Variants in ZNF804B observed in about 807,000 individuals in gnomAD.
The protein encoded by ZNF804B is zinc finger 804B.
In ZNF804B, 80 loss-of-function variants were observed where a neutral mutation model predicts 101.4. The observed-to-expected ratio is 0.79, with a 90% CI of 0.66 to 0.95. The LOEUF is 0.95. ZNF804B is among the 40% of genes least tolerant of loss of function. The pLI, the probability that ZNF804B is intolerant of heterozygous loss-of-function variation, is 0.00. For missense variants in ZNF804B, 1,673 were observed against 1,561.9 expected (o/e 1.07, Z -1.20); for synonymous variants, 622 against 558.8 (o/e 1.11, Z -1.59).
chr7:88,874,183 C>T (rs1408466032), intron 1 of ZNF804B, among the ~76,000 whole-genome samples: 1 of 152,122 alleles, frequency 6.6e-6, no homozygotes, highest in African/African-American at 2.4e-5. Flanking sequence ...AGAGGTCCTT[C>T]ACATCCCTTG....
At chr7:89,017,111 G>T (rs927338723) in intron 1 of ZNF804B, among the ~76,000 whole-genome samples, 2 of 152,190 alleles carry the variant, frequency 1.3e-5, no homozygotes, top group African/African-American at 4.8e-5. Context: ...GTGAATGGGA[G>T]TTCACTCATG....
Position 89,201,094 on chromosome 7 carries a change from A to G in ZNF804B, c.109-17061A>G, listed in dbSNP as rs575941806. On this transcript the variant is annotated intron_variant, in intron 1 of 3. Coordinates refer to ENST00000333190, the MANE Select transcript of ZNF804B (RefSeq NM_181646.5). ...ATTTTTTAAGATATAGTTGTTTCTT[A>G]TCAATGAAAGTTATTTTTTTCATTT... 3.3e-5 allele frequency among the ~76,000 whole-genome samples: 5 copies of G among 152,132 alleles called. No individual in the cohort carries two copies. The East Asian group carries it at 7.7e-4, about 23-fold the overall frequency.
intron 1 of ZNF804B, among the ~76,000 whole-genome samples, chr7:89,007,065 C>T (rs1314614385): frequency 1.3e-5 from 2 of 152,074 alleles, no homozygotes; most frequent in Non-Finnish European, 2.9e-5. Flanking sequence ...CCTGGTCCCT[C>T]TTTCTGATTT....
chr7:89,017,903 A>G (rs528510916), intron 1 of ZNF804B, among the ~76,000 whole-genome samples: 13 of 152,130 alleles, frequency 8.5e-5, no homozygotes, highest in African/African-American at 3.1e-4. Flanking sequence ...CATTAGTTCT[A>G]AAAGTTTTTG....
intron 2 of ZNF804B, among the ~76,000 whole-genome samples, chr7:89,292,883 A>C (rs948358614): frequency 2.0e-5 from 3 of 151,956 alleles, no homozygotes; most frequent in Non-Finnish European, 4.4e-5. Context: ...AAACCTAAAA[A>C]CTCAGGAACA....
At chr7:88,858,662 C>G (rs1791606721) in intron 1 of ZNF804B, among the ~76,000 whole-genome samples, 1 of 151,978 alleles carries the variant, frequency 6.6e-6, no homozygotes, top group Non-Finnish European at 1.5e-5. Context: ...ATTAAAAAAT[C>G]TCGTTAACAG....
chr7:88,790,147 C>A (rs1239667455), intron 1 of ZNF804B, among the ~76,000 whole-genome samples: 1 of 151,872 alleles, frequency 6.6e-6, no homozygotes, highest in Non-Finnish European at 1.5e-5. Context: ...TATATATGTT[C>A]GCTGTTATAT....
At position 89,218,268 on chromosome 7, in the gene ZNF804B, T is replaced by G. The variant is rs1350924111; in HGVS notation, c.222T>G (p.Ile74Met). Residue 74 changes from isoleucine to methionine, a missense_variant, in exon 2 of 4, where the codon ATT becomes ATG. Transcript: ENST00000333190. Reference sequence around the variant, plus strand: ...AACACCAGGAGTTTGACAATCATATTAATTCTTATGACCATGCTCATAAGC... The same window carrying G: ...AACACCAGGAGTTTGACAATCATATGAATTCTTATGACCATGCTCATAAGC... ...YHKHQEFDNHINSYDHAHKQR... is the reference protein window; with the variant it reads ...YHKHQEFDNHMNSYDHAHKQR... 1 of 1,613,626 alleles carries G rather than the reference T, an allele frequency of 6.2e-7. No individual in the cohort carries two copies. Among genetic ancestry groups the G allele is most frequent in the African/African-American group, 1.3e-5 (1 of 74,930 alleles).
At chr7:89,269,718 A>G (rs1157968355) in intron 2 of ZNF804B, among the ~76,000 whole-genome samples, 1 of 152,120 alleles carries the variant, frequency 6.6e-6, no homozygotes, top group Non-Finnish European at 1.5e-5. Context: ...CATCCTCTCC[A>G]GCACCTGTTG....
At position 88,854,529 on chromosome 7, in the gene ZNF804B, T is replaced by TCCTTC. The variant is rs1562812908; in HGVS notation, c.108+94447_108+94451dup. On this transcript the variant is annotated intron_variant, in intron 1 of 3. Coordinates refer to ENST00000333190, the MANE Select transcript of ZNF804B (RefSeq NM_181646.5). ...TTCCTTTCCTTTCCTTTCCTTCCTT[T>TCCTTC]CCTTCCTTCCTTCCTTCCTTCCTTC... is the stretch of plus-strand genomic sequence containing the variant. 5.6e-3 allele frequency among the ~76,000 whole-genome samples: 323 copies of TCCTTC among 57,886 alleles called. 12 individuals are homozygous for TCCTTC. The highest frequency in any genetic ancestry group is 0.017 in the Middle Eastern group (2 of 118). 38.0% of individuals were successfully genotyped at this position (57,886 alleles called of 152,430 possible). A position where few individuals can be genotyped will look rare whatever the true frequency, so the allele number is the denominator to read the frequency against.
At chr7:88,778,629 G>A (rs1436061166) in intron 1 of ZNF804B, among the ~76,000 whole-genome samples, 1 of 152,136 alleles carries the variant, frequency 6.6e-6, no homozygotes, top group African/African-American at 2.4e-5. Flanking sequence ...TAGGCTTGAA[G>A]CTTGAGAATA....
intron 1 of ZNF804B, among the ~76,000 whole-genome samples, chr7:88,845,297 G>GCACACACACACACACACA (rs200482259): frequency 6.7e-5 from 8 of 119,888 alleles, no homozygotes; most frequent in African/African-American, 2.2e-4. Flanking sequence ...GCGCGCACGC[G>GCACACACACACACACACA]CGCGCACACA....
chr7:88,944,892 C>T, intron 1 of ZNF804B, among the ~76,000 whole-genome samples: 1 of 151,660 alleles, frequency 6.6e-6, no homozygotes, highest in Middle Eastern at 3.2e-3. Context: ...ATAAAATTAC[C>T]TTTGGGCTAT....
intron 2 of ZNF804B, among the ~76,000 whole-genome samples, chr7:89,261,937 T>G (rs969757846): frequency 6.6e-6 from 1 of 152,222 alleles, no homozygotes; most frequent in African/African-American, 2.4e-5. Context: ...TTCATCAGAA[T>G]CCTTCTCACT....
At chr7:89,049,295 T>A (rs1789160595) in intron 1 of ZNF804B, among the ~76,000 whole-genome samples, 1 of 152,034 alleles carries the variant, frequency 6.6e-6, no homozygotes, top group Non-Finnish European at 1.5e-5. Context: ...CAAAGGGAGA[T>A]TTTCAGTTTG....
chr7:88,954,565 C>CCG (rs1491149893), intron 1 of ZNF804B, among the ~76,000 whole-genome samples: 1 of 150,568 alleles, frequency 6.6e-6, no homozygotes, highest in African/African-American at 2.4e-5. Flanking sequence ...GCCCCCCCCC[C>CCG]ACCACGGGTG....
chr7:89,171,322 CTTCTTCTTCTTCTTCT>C (rs1415508448), intron 1 of ZNF804B, among the ~76,000 whole-genome samples: 2 of 127,536 alleles, frequency 1.6e-5, no homozygotes, highest in Non-Finnish European at 3.4e-5. Flanking sequence ...TCTTCTTCTT[CTTCTTCTTCTTCTTCT>C]TCTTCTTCTT....
intron 2 of ZNF804B, among the ~76,000 whole-genome samples, chr7:89,305,896 T>G (rs1416061549): frequency 6.6e-6 from 1 of 152,038 alleles, no homozygotes; most frequent in Non-Finnish European, 1.5e-5. Context: ...ATTTTTATTC[T>G]GATACTTTGT....
At chr7:88,817,196 A>G (rs764645105) in intron 1 of ZNF804B, among the ~76,000 whole-genome samples, 4 of 152,190 alleles carry the variant, frequency 2.6e-5, no homozygotes, top group Non-Finnish European at 4.4e-5. Flanking sequence ...ACACATGGAC[A>G]CAAGAAGGGG....
Sources: gnomAD v4.1 joint callset for allele counts (sites outside exome capture counted in the v4.1 genomes callset) on GRCh38, gnomAD v4.1.1 for gene constraint, MANE v1.5 for transcripts, NCBI Gene and HGNC (gene_info 2026-07-23, HGNC 2026-07-21) for gene names.